TAX1BP1: variants seen among roughly 807,000 people sequenced by gnomAD.
TAX1BP1 encodes Tax1 binding protein 1.
In TAX1BP1, 62 loss-of-function variants were observed where a neutral mutation model predicts 97.7. The ratio of observed to expected loss-of-function variants is 0.63; its 90% confidence interval spans 0.52 to 0.78. TAX1BP1 has a LOEUF of 0.78. TAX1BP1 is among the 30% of genes least tolerant of loss of function. The probability of loss-of-function intolerance (pLI) is 0.00; values close to 1 mark genes in which losing one functional copy is unlikely to be tolerated. For missense variants in TAX1BP1, 867 were observed against 916.1 expected (o/e 0.95, Z 0.69); for synonymous variants, 340 against 304.2 (o/e 1.12, Z -1.23).
intron 1 of TAX1BP1, among the ~76,000 whole-genome samples, chr7:27,743,032 A>C (rs955756164): frequency 4.6e-5 from 7 of 152,202 alleles, no homozygotes; most frequent in Non-Finnish European, 8.8e-5. Context: ...ATTTTGTCCC[A>C]AATAAACCTT....
intron 3 of TAX1BP1, among the ~76,000 whole-genome samples, chr7:27,759,042 G>A (rs958407849): frequency 1.3e-5 from 2 of 151,982 alleles, no homozygotes; most frequent in Non-Finnish European, 2.9e-5. Context: ...TTGCTGCAGA[G>A]TAATTTTGTA....
intron 8 of TAX1BP1, among the ~76,000 whole-genome samples, chr7:27,791,520 T>C (rs1789706623): frequency 6.6e-6 from 1 of 152,244 alleles, no homozygotes; most frequent in African/African-American, 2.4e-5. Flanking sequence ...AAATCTGTTC[T>C]GTGTTTTTAT....
At chr7:27,763,245 T>C (rs182017371) in intron 3 of TAX1BP1, among the ~76,000 whole-genome samples, 1 of 152,314 alleles carries the variant, frequency 6.6e-6, no homozygotes, top group East Asian at 1.9e-4. Context: ...TTTTCCTAAA[T>C]GAACCCTTAT....
intron 3 of TAX1BP1, among the ~76,000 whole-genome samples, chr7:27,764,874 G>A (rs1165576954): frequency 1.3e-5 from 2 of 149,576 alleles, no homozygotes; most frequent in Admixed American, 6.7e-5. Flanking sequence ...GCCATTTGGA[G>A]CTTTTCAAGT....
At chr7:27,817,471 A>C (rs1297520045) in intron 15 of TAX1BP1, among the ~76,000 whole-genome samples, 1 of 152,162 alleles carries the variant, frequency 6.6e-6, no homozygotes, top group Non-Finnish European at 1.5e-5. Context: ...TTTAGATTTT[A>C]GTGTGGACTC....
chr7:27,766,144 G>T, intron 4 of TAX1BP1, 123 bp downstream of exon 4: 1 of 989,140 alleles, frequency 1.0e-6, no homozygotes, highest in East Asian at 2.6e-5. Flanking sequence ...GCTTTGGCTG[G>T]GCGCAGTGGC....
upstream of TAX1BP1, chr7:27,739,665 A>T (rs992209276): frequency 1.3e-5 from 2 of 152,156 alleles, no homozygotes; most frequent in African/African-American, 4.8e-5. Context: ...AAAACTTCAT[A>T]GCCAAAAAAG....
chr7:27,758,125 C>T lies in TAX1BP1; in HGVS notation c.257C>T (p.Ala86Val). The part of the protein sequence containing the change: ...VEGSTVNCVL[A>V]FQGYYLPNDD... ...GGATCAACAGTCAATTGTGTACTAG[C>T]ATTCCAAGGTAAGGACTGAAAACTG... The change falls in exon 3 of 17, where the codon GCA becomes GTA. Residue 86 changes from alanine (A) to valine (V), a missense_variant. This residue lies in a region of TAX1BP1 where 822 missense variants were observed against 851.4 expected (regional missense o/e 0.97). Coordinates refer to ENST00000396319, the MANE Select transcript of TAX1BP1 (RefSeq NM_006024.7). The T allele has an allele frequency of 6.2e-7, 1 of 1,608,148 alleles. No individual in the cohort carries two copies.
chr7:27,771,009 T>C (rs2128312784), intron 5 of TAX1BP1, among the ~76,000 whole-genome samples: 1 of 151,706 alleles, frequency 6.6e-6, no homozygotes, highest in South Asian at 2.1e-4. Flanking sequence ...ACTTTTTTCA[T>C]TTGAACCTTT....
intron 13 of TAX1BP1, chr7:27,803,295 A>C: frequency 9.7e-7 from 1 of 1,035,182 alleles, no homozygotes; most frequent in East Asian, 3.0e-5. Context: ...AAATTTAGGA[A>C]AACAGTGAAA....
At chr7:27,747,049 G>A (rs1270897344) in intron 1 of TAX1BP1, among the ~76,000 whole-genome samples, 1 of 152,184 alleles carries the variant, frequency 6.6e-6, no homozygotes, top group Non-Finnish European at 1.5e-5. Context: ...CCTTACTGCT[G>A]TGCTTGCTCT....
chr7:27,782,940 A>C (rs1172986479), intron 5 of TAX1BP1, among the ~76,000 whole-genome samples: 1 of 152,166 alleles, frequency 6.6e-6, no homozygotes, highest in Non-Finnish European at 1.5e-5. Context: ...ATACTTTTAA[A>C]ATGTGTTTAG....
chr7:27,791,686 GA>G (rs1468230033), intron 8 of TAX1BP1, among the ~76,000 whole-genome samples: 2 of 152,154 alleles, frequency 1.3e-5, no homozygotes, highest in African/African-American at 4.8e-5. Flanking sequence ...TAGCTGAAGA[GA>G]TTCTGGGGGA....
At chr7:27,801,817 A>G (rs776081487) in intron 13 of TAX1BP1, among the ~76,000 whole-genome samples, 9 of 152,206 alleles carry the variant, frequency 5.9e-5, no homozygotes, top group Admixed American at 2.6e-4. Context: ...CTTTTGCCCT[A>G]TTTTGTACTG....
chr7:27,799,869 T>TA, intron 12 of TAX1BP1, 96 bp from the exon 13 acceptor site: 1 of 921,612 alleles, frequency 1.1e-6, no homozygotes, highest in Non-Finnish European at 1.5e-6. Context: ...ACAACAGTGT[T>TA]ATAATAAATG....
intron 3 of TAX1BP1, 27 bp from the exon 4 acceptor site, chr7:27,765,807 T>C (rs1418169150): frequency 6.4e-7 from 1 of 1,568,616 alleles, no homozygotes; most frequent in Non-Finnish European, 8.7e-7. Flanking sequence ...GGAAGTTTAA[T>C]AATTTTGTTT....
At chr7:27,757,812 A>G (rs1788279779) in intron 2 of TAX1BP1, among the ~76,000 whole-genome samples, 1 of 152,114 alleles carries the variant, frequency 6.6e-6, no homozygotes, top group South Asian at 2.1e-4. Flanking sequence ...GCATTTTAAT[A>G]TAGTAGAAAC....
intron 5 of TAX1BP1, among the ~76,000 whole-genome samples, chr7:27,781,681 A>G (rs1292558777): frequency 6.6e-6 from 1 of 152,026 alleles, no homozygotes; most frequent in East Asian, 1.9e-4. Context: ...TTTTATAAAT[A>G]TTGTATACTT....
intron 9 of TAX1BP1, 32 bp from the exon 10 acceptor site, chr7:27,793,034 A>AG: frequency 6.4e-7 from 1 of 1,563,702 alleles, no homozygotes; most frequent in East Asian, 2.3e-5. Context: ...TCAGATTTTT[A>AG]TTTTTTTCTT....
Sources: allele counts gnomAD v4.1 joint callset (sites outside exome capture counted in the v4.1 genomes callset), GRCh38; gene constraint gnomAD v4.1.1; regional missense constraint gnomAD v4.1.1; transcripts MANE v1.5; gene names NCBI Gene and HGNC (gene_info 2026-07-23, HGNC 2026-07-21).